SLC15A4: variants seen among roughly 807,000 people sequenced by gnomAD.
SLC15A4 encodes the protein hPHT1.
In SLC15A4, 26 loss-of-function variants were observed where a neutral mutation model predicts 46.1. That is an observed-to-expected ratio of 0.56 (90% confidence interval 0.41 to 0.78). The LOEUF (loss-of-function observed/expected upper bound fraction) is 0.78, where lower values mean the gene tolerates loss of function less well. Ranked by LOEUF, SLC15A4 falls within the 30% of genes least tolerant of loss-of-function variation. The pLI is 0.00. For missense variants in SLC15A4, 751 were observed against 755.7 expected (o/e 0.99, Z 0.07); for synonymous variants, 370 against 333.4 (o/e 1.11, Z -1.20).
intron 1 of SLC15A4, among the ~76,000 whole-genome samples, chr12:128,822,216 G>A (rs755851808): frequency 6.6e-6 from 1 of 152,230 alleles, no homozygotes; most frequent in Non-Finnish European, 1.5e-5. Flanking sequence ...AGCTGCAGTG[G>A]TTCCTCCCTC....
At chr12:128,823,372 G>GGACAGC (rs1955877873) in intron 1 of SLC15A4, 26 bp downstream of exon 1, 1 of 1,387,678 alleles carries the variant, frequency 7.2e-7, no homozygotes, top group South Asian at 1.6e-5. Flanking sequence ...ACAGGGACAG[G>GGACAGC]GACAGCGCGC....
intron 5 of SLC15A4, among the ~76,000 whole-genome samples, chr12:128,803,813 TACA>T (rs1304219389): frequency 6.6e-6 from 1 of 152,100 alleles, no homozygotes; most frequent in Non-Finnish European, 1.5e-5. Flanking sequence ...TCTTGAGGCC[TACA>T]ACATGTCCGG....
Position 128,810,101 on chromosome 12 carries a change from C to T in SLC15A4, c.853G>A (p.Gly285Arg). 6.2e-7 allele frequency: 1 copy of T among 1,611,896 alleles called. No individual in the cohort carries two copies. The highest frequency in any genetic ancestry group is 1.1e-5 in the South Asian group (1 of 90,394). ...GERQSNGEGI[G>R]VFQQSSKQSL... ...TGTTTAGAAGATTGCTGAAAGACTC[C>T]AATGCCTTCACTTTGGGAAATAAAA... Residue 285 changes from glycine to arginine, a missense_variant, in exon 3 of 8, where the codon GGA (glycine) becomes AGA (arginine). Gly to Arg is a moderately radical substitution (Grantham distance 125). Transcript: ENST00000266771.
chr12:128,809,227 T>C (rs1485042738), intron 4 of SLC15A4, 169 bp downstream of exon 4: 2 of 587,360 alleles, frequency 3.4e-6, no homozygotes, highest in South Asian at 2.4e-5. Context: ...TAGCAAATGA[T>C]ACAACCAATG....
chr12:128,817,394 T>C (rs1204220660), intron 1 of SLC15A4, among the ~76,000 whole-genome samples: 1 of 151,866 alleles, frequency 6.6e-6, no homozygotes, highest in East Asian at 1.9e-4. Context: ...TGCGAAAAAA[T>C]AACAAACAAA....
chr12:128,800,221 ATTC>A (rs1955500380), intron 6 of SLC15A4, among the ~76,000 whole-genome samples: 2 of 152,182 alleles, frequency 1.3e-5, no homozygotes, highest in Non-Finnish European at 2.9e-5. Flanking sequence ...TTTGTAGTGT[ATTC>A]TAAATAGAAG....
At position 128,794,269 on chromosome 12, in the gene SLC15A4, G is replaced by A. The variant is rs532641653; in HGVS notation, c.1661C>T (p.Ser554Phe). 1 of 1,614,022 alleles carries A rather than the reference G, an allele frequency of 6.2e-7. No homozygotes were observed. Among genetic ancestry groups the A allele is most frequent in the African/African-American group, 1.3e-5 (1 of 75,044 alleles). ...GATLLLFLII[S>F]VKYDHHRDHQ... ...GTCTCGATGATGGTCATATTTCACA[G>A]AAATAATGAGGAAAAGCAGGAGGGT... The change falls in exon 8 of 8, where the codon TCT becomes TTT. Residue 554 changes from serine (S) to phenylalanine (F), a missense_variant. Coordinates refer to ENST00000266771, the MANE Select transcript of SLC15A4 (RefSeq NM_145648.4).
In SLC15A4 at chr12:128,814,982, C is replaced by T. The variant is rs1955730385; in HGVS notation, c.635G>A (p.Gly212Asp). The T allele has an allele frequency of 1.2e-6, 2 of 1,614,134 alleles. No individual in the cohort carries two copies. The highest frequency in any genetic ancestry group is 1.7e-6 in the Non-Finnish European group (2 of 1,180,032). ...GACGTTCTGCTGAATATAGGCAATG[C>T]CACCTAACGACAGGATCGCTCCCAG... ...INLGAILSLG[G>D]IAYIQQNVSF... Residue 212 changes from glycine (G) to aspartate (D), a missense_variant, in exon 2 of 8, where the codon GGC (glycine) becomes GAC (aspartate). By Grantham distance (94) the Gly-to-Asp change is moderately conservative. Coordinates refer to ENST00000266771, the MANE Select transcript of SLC15A4 (RefSeq NM_145648.4).
Position 128,808,909 on chromosome 12 carries a change from C to A in SLC15A4, c.1137G>T (p.Leu379=), listed in dbSNP as rs1955619884. 1 of 1,614,194 alleles carries A rather than the reference C, an allele frequency of 6.2e-7. No individual in the cohort carries two copies. The highest frequency in any genetic ancestry group is 8.5e-7 in the Non-Finnish European group (1 of 1,180,034). The change falls in exon 5 of 8, where the codon CTG becomes CTT. Residue 379 remains leucine (L), a synonymous_variant. Coordinates refer to ENST00000266771, the MANE Select transcript of SLC15A4 (RefSeq NM_145648.4). ...CCAGTTTGTCCTTCAGAGGGATGAGCAGGAGGATGAGCACAGCATCAAACA... is the reference window on the plus strand; with the variant it reads ...CCAGTTTGTCCTTCAGAGGGATGAGAAGGAGGATGAGCACAGCATCAAACA... ...LTMFDAVLIL[L]LIPLKDKLVD... is the part of the protein sequence containing the mutation.
intron 2 of SLC15A4, among the ~76,000 whole-genome samples, chr12:128,812,348 G>A (rs11059929): frequency 0.09 from 13,711 of 151,872 alleles, 853 homozygotes; most frequent in Admixed American, 0.19. Flanking sequence ...TTGAGACGGA[G>A]TCTCGCTACC....
rs35243999 is a variant in SLC15A4 at position 128,800,915 on chromosome 12, C to G, written c.1353G>C (p.Leu451=). The change falls in exon 6 of 8, where the codon CTG becomes CTC. Residue 451 remains leucine (L), a synonymous_variant. Coordinates refer to ENST00000266771, the MANE Select transcript of SLC15A4 (RefSeq NM_145648.4). ...GCAAGTACTGCGGCACCTGCCACCA[C>G]AGCGACAGATCGGCAGCATGGTAGA... The part of the protein sequence containing the change: ...NVVYHAADLS[L]WWQVPQYLLI... 1,560 of 1,614,194 alleles carry G rather than the reference C, an allele frequency of 9.7e-4. 12 individuals are homozygous for G. In the African/African-American group the frequency reaches 0.018, roughly 19 times the overall value.
At chr12:128,820,296 C>T (rs1182267795) in intron 1 of SLC15A4, among the ~76,000 whole-genome samples, 1 of 152,182 alleles carries the variant, frequency 6.6e-6, no homozygotes, top group Non-Finnish European at 1.5e-5. Context: ...CCAGCTTGAC[C>T]ACTCACTACC....
At chr12:128,804,519 C>A (rs1004041097) in intron 5 of SLC15A4, among the ~76,000 whole-genome samples, 2 of 152,202 alleles carry the variant, frequency 1.3e-5, no homozygotes, top group African/African-American at 4.8e-5. Context: ...ATCACAAGGT[C>A]AGGAGTTCGA....
chr12:128,804,645 G>A (rs11059919), intron 5 of SLC15A4, among the ~76,000 whole-genome samples: 78,764 of 152,074 alleles, frequency 0.52, 21,425 homozygotes, highest in Non-Finnish European at 0.61. Context: ...CAGGAGAATC[G>A]CTTGAACCAG....
chr12:128,795,397 C>T (rs1365467241), intron 7 of SLC15A4, among the ~76,000 whole-genome samples: 1 of 152,202 alleles, frequency 6.6e-6, no homozygotes, highest in Non-Finnish European at 1.5e-5. Context: ...GCAACGTCTG[C>T]ATCCCAAGCA....
At chr12:128,817,086 A>G (rs1955764484) in intron 1 of SLC15A4, among the ~76,000 whole-genome samples, 1 of 152,232 alleles carries the variant, frequency 6.6e-6, no homozygotes, top group South Asian at 2.1e-4. Context: ...TAGTAACACC[A>G]CTTCAAACGA....
At chr12:128,810,357 G>A in intron 2 of SLC15A4, 1 of 464,334 alleles carries the variant, frequency 2.2e-6, no homozygotes, top group South Asian at 2.3e-5. Context: ...CTGTAATTTT[G>A]GCGTGGCTGG....
At chr12:128,811,710 C>T (rs1189135556) in intron 2 of SLC15A4, among the ~76,000 whole-genome samples, 1 of 152,192 alleles carries the variant, frequency 6.6e-6, no homozygotes, top group Non-Finnish European at 1.5e-5. Context: ...CAGTGGTTTA[C>T]CACATCATAT....
chr12:128,810,583 T>C (rs548016171), intron 2 of SLC15A4, among the ~76,000 whole-genome samples: 1 of 152,168 alleles, frequency 6.6e-6, no homozygotes, highest in Admixed American at 6.5e-5. Flanking sequence ...CCAATACCCA[T>C]GCTGTTAATA....
Sources: gnomAD v4.1 joint callset for allele counts (sites outside exome capture counted in the v4.1 genomes callset) on GRCh38, gnomAD v4.1.1 for gene constraint, MANE v1.5 for transcripts, NCBI Gene and HGNC (gene_info 2026-07-23, HGNC 2026-07-21) for gene names.